Variants in SEC31A observed in about 807,000 individuals in gnomAD.
SEC31A encodes protein transport protein Sec31A.
A neutral mutation model predicts 151.0 loss-of-function variants in SEC31A; 70 were observed. The ratio of observed to expected loss-of-function variants is 0.46; its 90% CI spans 0.38 to 0.57. The LOEUF (loss-of-function observed/expected upper bound fraction) is 0.57, where lower values mean the gene tolerates loss of function less well. Among genes scored for constraint, SEC31A ranks in the 20% least tolerant of loss-of-function variants. SEC31A has a pLI of 0.00. For synonymous variants in SEC31A, 475 were observed against 505.9 expected, an observed-to-expected ratio of 0.94 and a Z score of 0.82; for missense variants, 1,330 against 1,471.2, an observed-to-expected ratio of 0.90 and a Z score of 1.57.
intron 17 of SEC31A, 52 bp downstream of exon 17, chr4:82,854,851 A>C: frequency 6.6e-7 from 1 of 1,508,904 alleles, no homozygotes; most frequent in Non-Finnish European, 8.9e-7. Context: ...TTTATTTACA[A>C]TATACCCTGC....
intron 19 of SEC31A, among the ~76,000 whole-genome samples, chr4:82,850,158 G>A (rs1050894310): frequency 7.2e-5 from 11 of 151,740 alleles, no homozygotes; most frequent in Admixed American, 2.6e-4. Flanking sequence ...AAATGGATGT[G>A]CTTATAAATG....
intron 6 of SEC31A, among the ~76,000 whole-genome samples, 156 bp downstream of exon 6, chr4:82,874,455 G>A (rs908655965): frequency 1.3e-5 from 2 of 151,566 alleles, no homozygotes; most frequent in East Asian, 3.9e-4. Context: ...TCCCTTAGAG[G>A]AAAAAAAACA....
chr4:82,855,094 CTAAT>C (rs1172792446), intron 16 of SEC31A, 65 bp from the exon 17 acceptor site: 7 of 1,341,248 alleles, frequency 5.2e-6, no homozygotes, highest in South Asian at 3.3e-5. Context: ...TTAATTCTGA[CTAAT>C]TAATTGTGTC....
intron 20 of SEC31A, among the ~76,000 whole-genome samples, chr4:82,848,092 C>A (rs547658946): frequency 6.6e-6 from 1 of 152,006 alleles, no homozygotes; most frequent in South Asian, 2.1e-4. Context: ...CCATTTATTA[C>A]CTATGGAAAA....
At chr4:82,844,231 TA>T (rs1729551069) in intron 21 of SEC31A, 154 bp downstream of exon 21, 14 of 756,880 alleles carry the variant, frequency 1.8e-5, no homozygotes, top group East Asian at 2.7e-5. Context: ...GGCCACCTCC[TA>T]AAAAAACATG....
At chr4:82,838,319 C>T (rs1482816318) in intron 22 of SEC31A, among the ~76,000 whole-genome samples, 1 of 152,018 alleles carries the variant, frequency 6.6e-6, no homozygotes, top group African/African-American at 2.4e-5. Context: ...TTTGAAAGTG[C>T]TCTCCCTCCT....
intron 22 of SEC31A, among the ~76,000 whole-genome samples, chr4:82,833,325 T>G (rs1578144743): frequency 6.6e-6 from 1 of 152,176 alleles, no homozygotes; most frequent in East Asian, 1.9e-4. Flanking sequence ...AAACACCACA[T>G]GTTCTCACTC....
chr4:82,827,038 T>C (rs1056881314), intron 24 of SEC31A, among the ~76,000 whole-genome samples: 4 of 152,206 alleles, frequency 2.6e-5, no homozygotes, highest in Non-Finnish European at 4.4e-5. Flanking sequence ...TCTTTTCTAT[T>C]TTAAGGAGAA....
In SEC31A at chr4:82,819,090, T is replaced by C. The variant is rs142745636; in HGVS notation, c.3647A>G (p.Asn1216Ser). The C allele has an allele frequency of 1.3e-5, 21 of 1,603,538 alleles. 1 individual carries two copies. In the East Asian group the frequency reaches 2.0e-4, roughly 15 times the overall value. Residue 1216 changes from asparagine (N) to serine (S), a missense_variant, in exon 27 of 27, where the codon AAT becomes AGT. Coordinates refer to ENST00000395310, the MANE Select transcript of SEC31A (RefSeq NM_001077207.4). ...GCTGTCCTTTTAGACACCCAGCTTA[T>C]TGGCCTGGGTGAGAACAACTTTGAG... ...PVLKVVLTQANKLGV is the reference protein window; with the variant it reads ...PVLKVVLTQASKLGV
At chr4:82,898,217 G>A (rs934982042) in intron 3 of SEC31A, among the ~76,000 whole-genome samples, 1 of 152,126 alleles carries the variant, frequency 6.6e-6, no homozygotes, top group Admixed American at 6.6e-5. Flanking sequence ...TTAATCACTG[G>A]ATATGAAGTT....
chr4:82,881,995 A>G (rs1739458246), intron 1 of SEC31A, 55 bp from the exon 2 acceptor site: 1 of 1,293,008 alleles, frequency 7.7e-7, no homozygotes, highest in Admixed American at 1.7e-5. Flanking sequence ...TGTCTAACAC[A>G]GAACACAGAT....
intron 1 of SEC31A, among the ~76,000 whole-genome samples, chr4:82,886,278 G>T (rs530405343): frequency 2.0e-5 from 3 of 152,308 alleles, no homozygotes; most frequent in Admixed American, 2.0e-4. Context: ...CATGGTCTCT[G>T]GAGTTAATCC....
chr4:82,843,850 T>C (rs1036155550), intron 21 of SEC31A: 1 of 152,338 alleles, frequency 6.6e-6, no homozygotes, highest in African/African-American at 2.4e-5. Context: ...GAGACATTGA[T>C]GTAGGTTCAT....
At chr4:82,890,762 C>CA in intron 1 of SEC31A, 2 of 1,203,902 alleles carry the variant, frequency 1.7e-6, no homozygotes, top group Non-Finnish European at 2.1e-6. Context: ...TCTTTGTGCA[C>CA]AAGGGTCTGA....
intron 20 of SEC31A, among the ~76,000 whole-genome samples, chr4:82,846,171 T>G (rs1297939768): frequency 6.6e-6 from 1 of 151,676 alleles, no homozygotes; most frequent in Non-Finnish European, 1.5e-5. Context: ...GCCCAGCTAA[T>G]TTTTAGTATT....
intron 26 of SEC31A, among the ~76,000 whole-genome samples, chr4:82,819,893 C>A (rs1386815415): frequency 2.0e-5 from 3 of 152,092 alleles, no homozygotes; most frequent in South Asian, 4.1e-4. Context: ...TCCTGAGTAG[C>A]TAGGACTACA....
intron 14 of SEC31A, among the ~76,000 whole-genome samples, chr4:82,858,780 G>A (rs1733368392): frequency 6.6e-6 from 1 of 151,364 alleles, no homozygotes; most frequent in East Asian, 2.0e-4. Context: ...TCGGCTCACT[G>A]CAAACTCTGC....
chr4:82,836,924 T>C (rs1727448381), intron 22 of SEC31A, among the ~76,000 whole-genome samples: 1 of 151,838 alleles, frequency 6.6e-6, no homozygotes, highest in African/African-American at 2.4e-5. Flanking sequence ...ATATGGACTG[T>C]TTACAACACA....
At chr4:82,837,888 T>C (rs1334968584) in intron 22 of SEC31A, among the ~76,000 whole-genome samples, 1 of 152,198 alleles carries the variant, frequency 6.6e-6, no homozygotes, top group Non-Finnish European at 1.5e-5. Flanking sequence ...TACTTTTCAG[T>C]GGACTCAGGG....
Sources: gnomAD v4.1 joint callset for allele counts (sites outside exome capture counted in the v4.1 genomes callset) on GRCh38, gnomAD v4.1.1 for gene constraint, MANE v1.5 for transcripts, NCBI Gene and HGNC (gene_info 2026-07-23, HGNC 2026-07-21) for gene names.